MTRF1: variants seen among roughly 807,000 people sequenced by gnomAD.
MTRF1 encodes peptide chain release factor 1, mitochondrial.
Under a neutral mutation model 62.9 loss-of-function variants are expected in MTRF1, and 51 were observed. The ratio of observed to expected loss-of-function variants is 0.81; its 90% confidence interval spans 0.65 to 1.02. The LOEUF (loss-of-function observed/expected upper bound fraction) is 1.02, where lower values mean the gene tolerates loss of function less well. Ranked by LOEUF, MTRF1 falls within the 50% of genes least tolerant of loss-of-function variation. The pLI is 0.00. For missense variants in MTRF1, 446 were observed against 530.0 expected, an observed-to-expected ratio of 0.84 and a Z score of 1.56; for synonymous variants, 158 against 181.9, an observed-to-expected ratio of 0.87 and a Z score of 1.06.
chr13:41,279,886 G>A, the MTRF1 span, among the ~76,000 whole-genome samples: 1 of 152,002 alleles, frequency 6.6e-6, no homozygotes, highest in Non-Finnish European at 1.5e-5. Context: ...TCTCTCTGAG[G>A]ACTGGTATCT....
At chr13:41,282,868 C>T in the MTRF1 span, among the ~76,000 whole-genome samples, 1 of 152,206 alleles carries the variant, frequency 6.6e-6, no homozygotes, top group Non-Finnish European at 1.5e-5. Context: ...TAATTGGATT[C>T]CATTGCCCTC....
At chr13:41,285,993 G>A in the MTRF1 span, among the ~76,000 whole-genome samples, 4 of 151,498 alleles carry the variant, frequency 2.6e-5, no homozygotes, top group Non-Finnish European at 5.9e-5. Flanking sequence ...GAACCCAGGA[G>A]GCGGATGTTG....
At chr13:41,238,669 C>G (rs2037063516) in intron 6 of MTRF1, among the ~76,000 whole-genome samples, 1 of 152,012 alleles carries the variant, frequency 6.6e-6, no homozygotes, top group Non-Finnish European at 1.5e-5. Context: ...ATATATGTAC[C>G]CTAGAAATTA....
At chr13:41,280,953 C>G in the MTRF1 span, among the ~76,000 whole-genome samples, 2 of 152,012 alleles carry the variant, frequency 1.3e-5, no homozygotes, top group Non-Finnish European at 2.9e-5. Flanking sequence ...CATCAGGTAG[C>G]GGAGAAAAAG....
At chr13:41,290,579 G>C in the MTRF1 span, among the ~76,000 whole-genome samples, 1 of 149,346 alleles carries the variant, frequency 6.7e-6, no homozygotes. Context: ...ATTTTTAGTA[G>C]AGATGGGGTT....
the MTRF1 span, among the ~76,000 whole-genome samples, chr13:41,271,546 C>T: frequency 2.0e-5 from 3 of 152,096 alleles, no homozygotes; most frequent in Admixed American, 1.3e-4. Flanking sequence ...TCGTTTCCAT[C>T]GTCTTTCATG....
the MTRF1 span, among the ~76,000 whole-genome samples, chr13:41,274,535 T>A: frequency 2.0e-5 from 3 of 152,042 alleles, no homozygotes; most frequent in Non-Finnish European, 2.9e-5. Context: ...AAGTACACCA[T>A]AAGGAATGCT....
At chr13:41,278,657 G>C in the MTRF1 span, among the ~76,000 whole-genome samples, 1 of 152,024 alleles carries the variant, frequency 6.6e-6, no homozygotes, top group Non-Finnish European at 1.5e-5. Flanking sequence ...CACTGCATTG[G>C]TCTAGATTGC....
chr13:41,275,554 G>A, the MTRF1 span, among the ~76,000 whole-genome samples: 9 of 151,046 alleles, frequency 6.0e-5, no homozygotes, highest in Admixed American at 1.3e-4. Flanking sequence ...GTGCAGCAGC[G>A]TGATCTTGGC....
Position 41,248,619 on chromosome 13 carries a change from G to A in MTRF1, c.697+4026C>T, listed in dbSNP as rs186722988. ...GAAGAGTGATCACAGAGCTCTTGAAGGATGCTGGGGCTTCCCGACAAATAT... is the reference window on the plus strand; with the variant it reads ...GAAGAGTGATCACAGAGCTCTTGAAAGATGCTGGGGCTTCCCGACAAATAT... On this transcript the variant is annotated intron_variant, in intron 5 of 9. Coordinates refer to ENST00000379480, the MANE Select transcript of MTRF1 (RefSeq NM_004294.4). 1.6e-4 allele frequency among the ~76,000 whole-genome samples: 24 copies of A among 152,338 alleles called. No individual in the cohort carries two copies. In the East Asian group the frequency reaches 4.6e-3, roughly 29 times the overall value.
At chr13:41,240,216 C>A in intron 6 of MTRF1, 45 bp downstream of exon 6, 2 of 1,527,566 alleles carry the variant, frequency 1.3e-6, no homozygotes, top group Non-Finnish European at 1.8e-6. Flanking sequence ...CAGCACAATA[C>A]CCGTTGACAT....
At chr13:41,274,320 T>C in the MTRF1 span, among the ~76,000 whole-genome samples, 1 of 152,252 alleles carries the variant, frequency 6.6e-6, no homozygotes, top group African/African-American at 2.4e-5. Context: ...AAGATCCTCA[T>C]GTTTCAGCTC....
At chr13:41,271,218 A>G in the MTRF1 span, among the ~76,000 whole-genome samples, 1 of 152,320 alleles carries the variant, frequency 6.6e-6, no homozygotes, top group South Asian at 2.1e-4. Context: ...GATTCAAAGC[A>G]GGCAGAAAAG....
chr13:41,271,274 CT>C, the MTRF1 span, among the ~76,000 whole-genome samples: 3 of 152,096 alleles, frequency 2.0e-5, no homozygotes, highest in African/African-American at 7.2e-5. Flanking sequence ...GCAGGTTGAC[CT>C]TAGGGCTCTT....
At chr13:41,305,066 G>A in the MTRF1 span, among the ~76,000 whole-genome samples, 2 of 152,170 alleles carry the variant, frequency 1.3e-5, no homozygotes, top group African/African-American at 4.8e-5. Flanking sequence ...AAAATATCCA[G>A]CTATTTCTCA....
chr13:41,274,673 T>TATAATA, the MTRF1 span, among the ~76,000 whole-genome samples: 11 of 149,136 alleles, frequency 7.4e-5, no homozygotes, highest in African/African-American at 2.2e-4. Flanking sequence ...ATAATAAATA[T>TATAATA]ATAATAATAA....
chr13:41,222,721 C>T (rs747973143), intron 9 of MTRF1, among the ~76,000 whole-genome samples: 80 of 152,340 alleles, frequency 5.3e-4, no homozygotes, highest in African/African-American at 1.7e-3. Context: ...GGAATGGGGG[C>T]TTCAGTCCTA....
At chr13:41,267,790 T>C (rs2040857084), upstream of MTRF1, among the ~76,000 whole-genome samples, 4 of 151,622 alleles carry the variant, frequency 2.6e-5, no homozygotes, top group Admixed American at 1.3e-4. Flanking sequence ...CACTTCAGCC[T>C]GGGAGGTCAA....
In MTRF1 at chr13:41,216,506, C is replaced by T; in HGVS notation, c.*609G>A. On this transcript the variant is annotated 3_prime_UTR_variant, in exon 10 of 10. Transcript: ENST00000379480. Reference sequence around the variant, plus strand: ...ATAATTTTTATTTAAAAGTTGCAGTCTAAGTCTTAACTTTAACATGATTAA... The same window carrying T: ...ATAATTTTTATTTAAAAGTTGCAGTTTAAGTCTTAACTTTAACATGATTAA... 6.6e-6 allele frequency: 1 copy of T among 152,120 alleles called. No homozygotes were observed. The highest frequency in any genetic ancestry group is 1.9e-4 in the East Asian group (1 of 5,168). The allele number at this position is 152,120 out of a possible 1,614,324, so 9.4% of individuals were successfully genotyped here. A position where few individuals can be genotyped will look rare whatever the true frequency, so the allele number is the denominator to read the frequency against.
Sources: allele counts gnomAD v4.1 joint callset (sites outside exome capture counted in the v4.1 genomes callset), GRCh38; gene constraint gnomAD v4.1.1; transcripts MANE v1.5; gene names NCBI Gene and HGNC (gene_info 2026-07-23, HGNC 2026-07-21).